PCTP: variants seen among roughly 807,000 people sequenced by gnomAD.
PCTP encodes phosphatidylcholine transfer protein.
A neutral mutation model predicts 31.0 loss-of-function variants in PCTP; 27 were observed. That is an observed-to-expected ratio of 0.87 (90% CI 0.64 to 1.20). PCTP has a LOEUF of 1.20. Ranked by LOEUF, PCTP falls within the 50% of genes most tolerant of loss-of-function variation. The pLI is 0.00. For synonymous variants in PCTP, 108 were observed against 101.2 expected, an observed-to-expected ratio of 1.07 and a Z score of -0.40; for missense variants, 287 against 268.2, an observed-to-expected ratio of 1.07 and a Z score of -0.49.
At chr17:55,768,446 G>A (rs1910807442) in intron 2 of PCTP, among the ~76,000 whole-genome samples, 1 of 152,172 alleles carries the variant, frequency 6.6e-6, no homozygotes, top group African/African-American at 2.4e-5. Flanking sequence ...CAGGATGACT[G>A]GTTAAGAGCA....
chr17:55,822,698 T>C, intron 3 of PCTP: 1 of 886,696 alleles, frequency 1.1e-6, no homozygotes, highest in Non-Finnish European at 1.5e-6. Context: ...TCCTGAAGTA[T>C]CCCCAGGAAT....
chr17:55,775,458 TCAAA>T, intron 5 of PCTP: 1 of 1,228,412 alleles, frequency 8.1e-7, no homozygotes, highest in Non-Finnish European at 1.0e-6. Flanking sequence ...AACTTTGGAG[TCAAA>T]CAGACGCAAT....
chr17:55,761,234 A>T (rs1910325669), intron 1 of PCTP, among the ~76,000 whole-genome samples: 1 of 152,182 alleles, frequency 6.6e-6, no homozygotes, highest in African/African-American at 2.4e-5. Flanking sequence ...GAGAGAATGA[A>T]TATAAAACGT....
At chr17:55,828,911 G>A (rs1567732988) in intron 5 of PCTP, among the ~76,000 whole-genome samples, 1 of 152,208 alleles carries the variant, frequency 6.6e-6, no homozygotes. Context: ...AGGAAAAAGA[G>A]CTTCTTGCTC....
intron 5 of PCTP, among the ~76,000 whole-genome samples, chr17:55,837,223 C>T (rs1905806798): frequency 1.3e-5 from 2 of 152,162 alleles, no homozygotes; most frequent in Non-Finnish European, 2.9e-5. Flanking sequence ...GAACTTTAGA[C>T]ATAATGCTGC....
the PCTP span, among the ~76,000 whole-genome samples, chr17:55,849,386 G>A: frequency 6.6e-6 from 1 of 152,178 alleles, no homozygotes; most frequent in Non-Finnish European, 1.5e-5. Flanking sequence ...ACTTTGGGAG[G>A]CTGAAGTGGG....
chr17:55,774,935 T>C (rs1911247331), intron 5 of PCTP, 76 bp downstream of exon 5: 1 of 1,448,656 alleles, frequency 6.9e-7, no homozygotes, highest in Non-Finnish European at 9.6e-7. Flanking sequence ...CCCGCGGGGC[T>C]GTCAGGCTGA....
intron 3 of PCTP, among the ~76,000 whole-genome samples, chr17:55,815,287 C>G (rs555836072): frequency 1.3e-3 from 201 of 151,802 alleles, no homozygotes; most frequent in Admixed American, 2.6e-3. Flanking sequence ...GGAAATAATC[C>G]AAAAAATGAT....
At chr17:55,793,053 A>G (rs189274767) in intron 3 of PCTP, among the ~76,000 whole-genome samples, 85 of 152,132 alleles carry the variant, frequency 5.6e-4, no homozygotes, top group Middle Eastern at 6.8e-3. Flanking sequence ...CAGATCACCT[A>G]TTTTAGAACA....
chr17:55,757,510 G>GTA lies in PCTP; in HGVS notation c.141+6275_141+6276dup, dbSNP rs567722530. Among the ~76,000 whole-genome samples the GTA allele has an allele frequency of 6.7e-5, 10 of 148,506 alleles. No homozygotes were observed. The South Asian group carries it at 1.1e-3, about 16-fold the overall frequency. ...TATATATGTGGAAAATACTATATGT[G>GTA]TATATATATACACACACATATAGTA... On this transcript the variant is annotated intron_variant, in intron 1 of 5. Coordinates refer to ENST00000268896, the MANE Select transcript of PCTP (RefSeq NM_021213.4).
intron 3 of PCTP, among the ~76,000 whole-genome samples, chr17:55,789,144 G>T (rs1911863267): frequency 6.6e-6 from 1 of 152,102 alleles, no homozygotes; most frequent in Admixed American, 6.6e-5. Context: ...TATTTAAAAT[G>T]CACCCTTCCC....
At chr17:55,822,056 C>A (rs978488377) in intron 3 of PCTP, among the ~76,000 whole-genome samples, 1 of 152,188 alleles carries the variant, frequency 6.6e-6, no homozygotes, top group South Asian at 2.1e-4. Flanking sequence ...CCACCCCCAG[C>A]ACCTGATTTT....
downstream of PCTP, among the ~76,000 whole-genome samples, chr17:55,843,765 C>A (rs1906059960): frequency 2.6e-5 from 4 of 152,210 alleles, no homozygotes; most frequent in Middle Eastern, 0.014. Context: ...TGATCTCTTA[C>A]CCCAGCTTCC....
At chr17:55,798,892 G>A (rs1912275675) in intron 3 of PCTP, among the ~76,000 whole-genome samples, 1 of 151,898 alleles carries the variant, frequency 6.6e-6, no homozygotes, top group South Asian at 2.1e-4. Context: ...CAATATCTGT[G>A]TCATTAAAAT....
intron 5 of PCTP, among the ~76,000 whole-genome samples, chr17:55,834,570 C>G (rs896039537): frequency 2.0e-5 from 3 of 152,216 alleles, no homozygotes; most frequent in African/African-American, 7.2e-5. Flanking sequence ...CAGCTTTTCA[C>G]CTGCGGTCCA....
At chr17:55,762,605 C>G (rs746244068) in intron 1 of PCTP, among the ~76,000 whole-genome samples, 6 of 152,032 alleles carry the variant, frequency 3.9e-5, no homozygotes, top group Admixed American at 6.6e-5. Context: ...TTTATCTCAC[C>G]TAATAAATAG....
chr17:55,773,035 A>G (rs997585493), intron 3 of PCTP, among the ~76,000 whole-genome samples: 2 of 152,196 alleles, frequency 1.3e-5, no homozygotes, highest in Non-Finnish European at 2.9e-5. Context: ...TATCCTCCCT[A>G]GAATAGTGCC....
At chr17:55,777,511 G>C, downstream of PCTP, 1 of 491,852 alleles carries the variant, frequency 2.0e-6, no homozygotes, top group Non-Finnish European at 2.6e-6. Flanking sequence ...TTACTTATAT[G>C]CATGATCAGG....
At chr17:55,759,964 C>T (rs1244188851) in intron 1 of PCTP, among the ~76,000 whole-genome samples, 1 of 152,114 alleles carries the variant, frequency 6.6e-6, no homozygotes, top group African/African-American at 2.4e-5. Context: ...ATACTTTAAC[C>T]TTGTAAATAT....
Sources: allele counts gnomAD v4.1 joint callset (sites outside exome capture counted in the v4.1 genomes callset), GRCh38; gene constraint gnomAD v4.1.1; transcripts MANE v1.5; gene names NCBI Gene and HGNC (gene_info 2026-07-23, HGNC 2026-07-21).